Variants in NXPH1 observed in about 807,000 individuals in gnomAD.
NXPH1 encodes the protein neurexophilin 1.
In NXPH1, 5 loss-of-function variants were observed where a neutral mutation model predicts 23.7. The observed-to-expected ratio is 0.21, with a 90% CI of 0.11 to 0.44. NXPH1 has a LOEUF of 0.44. Ranked by LOEUF, NXPH1 falls within the 20% of genes least tolerant of loss-of-function variation. The pLI is 0.99. For synonymous variants in NXPH1, 144 were observed against 122.2 expected (o/e 1.18, Z -1.18); for missense variants, 324 against 321.6 (o/e 1.01, Z -0.06).
intron 2 of NXPH1, among the ~76,000 whole-genome samples, chr7:8,705,719 CTA>C (rs1226306686): frequency 6.6e-6 from 1 of 152,150 alleles, no homozygotes; most frequent in Non-Finnish European, 1.5e-5. Context: ...AGTTTTGTCT[CTA>C]TGACTATTGC....
intron 2 of NXPH1, among the ~76,000 whole-genome samples, chr7:8,583,840 G>A (rs1422733718): frequency 6.6e-6 from 1 of 152,166 alleles, no homozygotes; most frequent in Non-Finnish European, 1.5e-5. Flanking sequence ...AGGTAGGGTA[G>A]CAAGTTATTC....
intron 2 of NXPH1, among the ~76,000 whole-genome samples, chr7:8,664,443 G>C (rs1041723847): frequency 1.3e-5 from 2 of 151,968 alleles, no homozygotes; most frequent in African/African-American, 4.8e-5. Flanking sequence ...GCTTTGCCTT[G>C]ACTGGCATTT....
At chr7:8,610,182 A>G (rs774309222) in intron 2 of NXPH1, among the ~76,000 whole-genome samples, 1 of 152,150 alleles carries the variant, frequency 6.6e-6, no homozygotes, top group Non-Finnish European at 1.5e-5. Context: ...GATTCCAATT[A>G]AGGGAAGTAG....
intron 2 of NXPH1, among the ~76,000 whole-genome samples, chr7:8,663,140 G>A (rs1266895887): frequency 3.3e-5 from 5 of 152,030 alleles, no homozygotes; most frequent in African/African-American, 4.8e-5. Context: ...TTAAAATTGA[G>A]ATATTGGAGT....
chr7:8,601,041 T>G (rs1309976635), intron 2 of NXPH1, among the ~76,000 whole-genome samples: 1 of 152,132 alleles, frequency 6.6e-6, no homozygotes, highest in African/African-American at 2.4e-5. Flanking sequence ...TGGAAGGATA[T>G]GCATAATTTA....
intron 2 of NXPH1, among the ~76,000 whole-genome samples, chr7:8,535,880 T>C (rs1375407367): frequency 6.6e-6 from 1 of 151,996 alleles, no homozygotes; most frequent in Non-Finnish European, 1.5e-5. Context: ...TGTTTACCTT[T>C]TGTTCACCTG....
At chr7:8,692,034 G>T (rs1267611192) in intron 2 of NXPH1, among the ~76,000 whole-genome samples, 1 of 151,988 alleles carries the variant, frequency 6.6e-6, no homozygotes, top group African/African-American at 2.4e-5. Context: ...GCACAAGGGG[G>T]CTGGGGCTAG....
chr7:8,520,797 A>G (rs1344181524), intron 2 of NXPH1, among the ~76,000 whole-genome samples: 2 of 152,192 alleles, frequency 1.3e-5, no homozygotes, highest in Admixed American at 6.5e-5. Flanking sequence ...TATCATAAAC[A>G]TATTTCATGC....
At chr7:8,463,746 C>T (rs367643010) in intron 2 of NXPH1, among the ~76,000 whole-genome samples, 1 of 152,062 alleles carries the variant, frequency 6.6e-6, no homozygotes, top group African/African-American at 2.4e-5. Context: ...CTGTTCATTC[C>T]CTTTTTGAGT....
chr7:8,714,703 C>T (rs528130419), intron 2 of NXPH1, among the ~76,000 whole-genome samples: 1 of 152,096 alleles, frequency 6.6e-6, no homozygotes, highest in African/African-American at 2.4e-5. Flanking sequence ...CAGCAGGTTC[C>T]TTTCTGGCCT....
intron 2 of NXPH1, among the ~76,000 whole-genome samples, chr7:8,596,995 G>C (rs962124757): frequency 2.6e-5 from 4 of 152,228 alleles, no homozygotes; most frequent in South Asian, 2.1e-4. Flanking sequence ...AAGAAAGGCA[G>C]CTTACAGAGT....
chr7:8,444,717 C>T (rs925752723), intron 2 of NXPH1, among the ~76,000 whole-genome samples: 4 of 152,194 alleles, frequency 2.6e-5, no homozygotes, highest in African/African-American at 4.8e-5. Context: ...TCATCTAGCT[C>T]GCCCCTCCCT....
rs147560510 is a variant in NXPH1 at position 8,650,645 on chromosome 7, A to G, written c.55-100363A>G. The stretch of plus-strand genomic sequence containing the variant: ...CATGTCTGTACATTATACAATGACA[A>G]TCATGTGGCCTCTTGCTCAGTCTCT... On this transcript the variant is annotated intron_variant, in intron 2 of 2. Coordinates refer to ENST00000405863, the MANE Select transcript of NXPH1 (RefSeq NM_152745.3). Among the ~76,000 whole-genome samples the G allele has an allele frequency of 2.6e-3, 396 of 152,330 alleles. 1 individual carries two copies. The highest frequency in any genetic ancestry group is 6.8e-3 in the Middle Eastern group (2 of 294).
chr7:8,673,291 A>C (rs927204399), intron 2 of NXPH1, among the ~76,000 whole-genome samples: 2 of 152,224 alleles, frequency 1.3e-5, no homozygotes, highest in Non-Finnish European at 2.9e-5. Context: ...TAACATAAAC[A>C]GTTTCAATTA....
chr7:8,743,336 T>C (rs911936251), intron 2 of NXPH1, among the ~76,000 whole-genome samples: 14 of 152,060 alleles, frequency 9.2e-5, no homozygotes, highest in African/African-American at 2.9e-4. Context: ...CATTTCTCAT[T>C]TATAAAAAGA....
rs139097649 is a variant in NXPH1 at position 8,629,833 on chromosome 7, A to C, written c.55-121175A>C. On this transcript the variant is annotated intron_variant, in intron 2 of 2. Coordinates refer to ENST00000405863, the MANE Select transcript of NXPH1 (RefSeq NM_152745.3). ...TGTAGCTGCACAAAGTAAAGTGGGG[A>C]GTTTAGAAATTGCCTGGTGCTTTTA... 2.6e-3 allele frequency among the ~76,000 whole-genome samples: 396 copies of C among 152,240 alleles called. 2 individuals carry two copies. The highest frequency in any genetic ancestry group is 8.3e-3 in the African/African-American group (343 of 41,570).
intron 2 of NXPH1, among the ~76,000 whole-genome samples, chr7:8,658,414 G>A (rs1291959128): frequency 6.6e-6 from 1 of 152,038 alleles, no homozygotes; most frequent in Non-Finnish European, 1.5e-5. Flanking sequence ...GTTTCCCTTG[G>A]TTCACAACTT....
At chr7:8,699,073 A>C (rs2115188508) in intron 2 of NXPH1, among the ~76,000 whole-genome samples, 1 of 152,236 alleles carries the variant, frequency 6.6e-6, no homozygotes, top group South Asian at 2.1e-4. Flanking sequence ...CATTTGGAGG[A>C]TTAGAACAGA....
intron 2 of NXPH1, among the ~76,000 whole-genome samples, chr7:8,724,827 C>A (rs553617693): frequency 1.6e-3 from 243 of 152,302 alleles, no homozygotes; most frequent in African/African-American, 5.2e-3. Context: ...TGAGATCTCT[C>A]TGGCTAAACA....
Sources: gnomAD v4.1 joint callset for allele counts (sites outside exome capture counted in the v4.1 genomes callset) on GRCh38, gnomAD v4.1.1 for gene constraint, MANE v1.5 for transcripts, NCBI Gene and HGNC (gene_info 2026-07-23, HGNC 2026-07-21) for gene names.